CSMD1: variants seen among roughly 807,000 people sequenced by gnomAD.
The protein encoded by CSMD1 is CUB and sushi domain-containing protein 1.
CSMD1 carries 213 observed loss-of-function variants against 417.5 expected under a neutral mutation model. The observed-to-expected ratio is 0.51, with a 90% confidence interval of 0.46 to 0.57. CSMD1 has a LOEUF of 0.57. CSMD1 is among the 20% of genes least tolerant of loss of function. The pLI is 0.00. For synonymous variants in CSMD1, 2,862 were observed against 1,736.8 expected (o/e 1.65, Z -16.11); for missense variants, 6,923 against 4,529.7 (o/e 1.53, Z -15.17).
chr8:3,899,799 G>C (rs944342471), intron 5 of CSMD1, among the ~76,000 whole-genome samples: 1 of 152,304 alleles, frequency 6.6e-6, no homozygotes, highest in South Asian at 2.1e-4. Context: ...GAAGGTGACA[G>C]TGGATAGCAC....
chr8:4,103,975 C>T (rs756097072), intron 3 of CSMD1, among the ~76,000 whole-genome samples: 2 of 152,186 alleles, frequency 1.3e-5, no homozygotes, highest in Admixed American at 6.5e-5. Flanking sequence ...CGCGTGAGCT[C>T]CTGATGTTCT....
At chr8:4,601,655 G>A (rs970892644) in intron 2 of CSMD1, among the ~76,000 whole-genome samples, 1 of 152,068 alleles carries the variant, frequency 6.6e-6, no homozygotes, top group Non-Finnish European at 1.5e-5. Flanking sequence ...TCTCATTTTT[G>A]CAATTATTTC....
intron 1 of CSMD1, among the ~76,000 whole-genome samples, chr8:4,777,643 T>A (rs921051132): frequency 1.3e-5 from 2 of 152,242 alleles, no homozygotes; most frequent in Non-Finnish European, 2.9e-5. Flanking sequence ...TTTAAAATAC[T>A]GTATTAGCTT....
rs573148007 is a variant in CSMD1, at chr8:3,370,766, G to A, written c.2783-1396C>T. Among the ~76,000 whole-genome samples, 391 of 152,282 alleles carry A rather than the reference G, an allele frequency of 2.6e-3. 3 individuals carry two copies. Among genetic ancestry groups the A allele is most frequent in the African/African-American group, 9.1e-3 (378 of 41,568 alleles). On this transcript the variant is annotated intron_variant, in intron 18 of 69. Transcript: ENST00000635120. Reference sequence around the variant, plus strand: ...GAGGCAGGTGGATCACCTGAGGTCAGGAGTTCCAGACCAGCCTGGCCAGCA... The same window carrying A: ...GAGGCAGGTGGATCACCTGAGGTCAAGAGTTCCAGACCAGCCTGGCCAGCA...
rs1307843429 is a variant in CSMD1 at position 4,601,983 on chromosome 8, C to T, written c.302+35359G>A. 2.0e-5 allele frequency among the ~76,000 whole-genome samples: 3 copies of T among 152,252 alleles called. No individual in the cohort carries two copies. The East Asian group carries it at 5.8e-4, about 29-fold the overall frequency. On this transcript the variant is annotated intron_variant, in intron 2 of 69. Transcript: ENST00000635120. ...CCTCCTCAGAGCCAGCAACTGTACT[C>T]TCTGAAAGCTTTTATCTTTACCTTC...
chr8:3,803,067 A>G (rs1276683480), intron 5 of CSMD1, among the ~76,000 whole-genome samples: 1 of 152,208 alleles, frequency 6.6e-6, no homozygotes, highest in Non-Finnish European at 1.5e-5. Context: ...AGTGGTGGCA[A>G]CAGCCTTTTG....
At chr8:4,301,721 G>T (rs546186370) in intron 3 of CSMD1, among the ~76,000 whole-genome samples, 1 of 152,312 alleles carries the variant, frequency 6.6e-6, no homozygotes, top group South Asian at 2.1e-4. Flanking sequence ...TGCATAGTCT[G>T]TTGCTGTGGG....
intron 10 of CSMD1, among the ~76,000 whole-genome samples, chr8:3,558,517 T>G (rs540136530): frequency 2.7e-5 from 4 of 149,144 alleles, no homozygotes; most frequent in South Asian, 2.1e-4. Context: ...TGGTACCCCA[T>G]GTCGACTCCT....
At chr8:4,470,992 T>A (rs1416543970) in intron 2 of CSMD1, among the ~76,000 whole-genome samples, 1 of 152,230 alleles carries the variant, frequency 6.6e-6, no homozygotes, top group Non-Finnish European at 1.5e-5. Context: ...ATTTGAGCAT[T>A]ACATACTTTT....
intron 7 of CSMD1, among the ~76,000 whole-genome samples, chr8:3,668,967 T>C (rs1321618052): frequency 6.6e-6 from 1 of 152,138 alleles, no homozygotes; most frequent in Non-Finnish European, 1.5e-5. Flanking sequence ...GGAGAAATCA[T>C]TGAGCAACCA....
At chr8:4,345,065 C>T (rs1800702724) in intron 3 of CSMD1, among the ~76,000 whole-genome samples, 1 of 152,076 alleles carries the variant, frequency 6.6e-6, no homozygotes, top group African/African-American at 2.4e-5. Flanking sequence ...TTAAGTCAGT[C>T]TGTGGTTGGG....
At chr8:4,820,296 C>G (rs1215350433) in intron 1 of CSMD1, among the ~76,000 whole-genome samples, 1 of 152,186 alleles carries the variant, frequency 6.6e-6, no homozygotes, top group South Asian at 2.1e-4. Flanking sequence ...GGGCTGGGCA[C>G]AGTTAGTGCG....
chr8:4,033,176 C>G (rs1029978156), intron 3 of CSMD1, among the ~76,000 whole-genome samples: 2 of 144,998 alleles, frequency 1.4e-5, no homozygotes, highest in African/African-American at 5.1e-5. Flanking sequence ...CACGGTAGCT[C>G]ACGCCTGTAG....
In CSMD1 at chr8:2,951,162, C is replaced by T. The variant is rs748042826; in HGVS notation, c.10153G>A (p.Val3385Met). The change falls in exon 66 of 70, where the codon GTG (valine) becomes ATG (methionine). Residue 3385 changes from valine (V) to methionine (M), a missense_variant. Val to Met is a conservative substitution (Grantham distance 21). Transcript: ENST00000635120. ...GAGGCTTCGCTGAAGGTGGCATTCA[C>T]CTTACTGCTTGTTGCATTGAACCAG... ...VDWFNATSSK[V>M]NATFSEASPV... 7 of 1,613,652 alleles carry T rather than the reference C, an allele frequency of 4.3e-6. No individual in the cohort carries two copies. In the South Asian group the frequency reaches 7.7e-5, roughly 18 times the overall value.
chr8:4,399,351 C>G (rs149792004), intron 3 of CSMD1, among the ~76,000 whole-genome samples: 4 of 152,116 alleles, frequency 2.6e-5, no homozygotes, highest in Admixed American at 1.3e-4. Context: ...TAGTGAAGTA[C>G]TAAATTACAG....
chr8:4,004,877 T>C lies in CSMD1; in HGVS notation c.611-6767A>G, dbSNP rs557014153. Among the ~76,000 whole-genome samples, 24 of 152,278 alleles carry C rather than the reference T, an allele frequency of 1.6e-4. No homozygotes were observed. In the East Asian group the frequency reaches 1.9e-3, roughly 12 times the overall value. On this transcript the variant is annotated intron_variant, in intron 4 of 69. Coordinates refer to ENST00000635120, the MANE Select transcript of CSMD1 (RefSeq NM_033225.6). Reference sequence around the variant, plus strand: ...CTCCTGCCTCAGCCTCCCGAGTAGCTGGGACTACAGGCGCCCGCCACCATG... The same window carrying C: ...CTCCTGCCTCAGCCTCCCGAGTAGCCGGGACTACAGGCGCCCGCCACCATG...
At chr8:4,290,449 T>C (rs1282395792) in intron 3 of CSMD1, among the ~76,000 whole-genome samples, 1 of 152,154 alleles carries the variant, frequency 6.6e-6, no homozygotes, top group East Asian at 1.9e-4. Flanking sequence ...TGCTGTTCTA[T>C]GGGCAATTTT....
intron 6 of CSMD1, among the ~76,000 whole-genome samples, chr8:3,732,456 T>C (rs1564551): frequency 6.6e-5 from 10 of 151,882 alleles, no homozygotes; most frequent in African/African-American, 1.9e-4. Context: ...TCCTTAGGAA[T>C]AGTAATTTAA....
intron 27 of CSMD1, among the ~76,000 whole-genome samples, chr8:3,228,123 C>T (rs1798623501): frequency 6.6e-6 from 1 of 152,130 alleles, no homozygotes; most frequent in Admixed American, 6.5e-5. Context: ...TTATAAATGT[C>T]TATATTAATT....
Sources: gnomAD v4.1 joint callset for allele counts (sites outside exome capture counted in the v4.1 genomes callset) on GRCh38, gnomAD v4.1.1 for gene constraint, MANE v1.5 for transcripts, NCBI Gene and HGNC (gene_info 2026-07-23, HGNC 2026-07-21) for gene names.